LHFPL3: variants seen among roughly 807,000 people sequenced by gnomAD.
The protein encoded by LHFPL3 is LHFPL tetraspan subfamily member 3.
LHFPL3 carries 5 observed loss-of-function variants against 19.3 expected under a neutral mutation model. That is an observed-to-expected ratio of 0.26 (90% CI 0.14 to 0.54). The LOEUF (loss-of-function observed/expected upper bound fraction) is 0.54, where lower values mean the gene tolerates loss of function less well. Ranked by LOEUF, LHFPL3 falls within the 20% of genes least tolerant of loss-of-function variation. LHFPL3 has a pLI of 0.94. For synonymous variants in LHFPL3, 133 were observed against 126.2 expected (o/e 1.05, Z -0.36); for missense variants, 249 against 307.4 (o/e 0.81, Z 1.42).
intron 1 of LHFPL3, among the ~76,000 whole-genome samples, chr7:104,439,031 TAAAC>T (rs1281962490): frequency 2.0e-5 from 3 of 152,268 alleles, no homozygotes; most frequent in Non-Finnish European, 2.9e-5. Context: ...TATCAAAACT[TAAAC>T]AAGATGAAGT....
chr7:104,440,621 T>C (rs953453257), intron 1 of LHFPL3, among the ~76,000 whole-genome samples: 7 of 152,120 alleles, frequency 4.6e-5, no homozygotes, highest in Admixed American at 1.3e-4. Context: ...TAGAGTATGG[T>C]CTTAAATGAG....
chr7:104,655,814 G>T (rs1377283781), intron 1 of LHFPL3, among the ~76,000 whole-genome samples: 1 of 152,084 alleles, frequency 6.6e-6, no homozygotes, highest in Non-Finnish European at 1.5e-5. Flanking sequence ...TTTTTAATTC[G>T]TGAGTTTCTG....
chr7:104,587,090 G>A (rs943757422), intron 1 of LHFPL3, among the ~76,000 whole-genome samples: 1 of 151,670 alleles, frequency 6.6e-6, no homozygotes, highest in Non-Finnish European at 1.5e-5. Context: ...CATTCATTTA[G>A]CCTGTTTTTT....
chr7:104,741,796 G>A (rs539070326), intron 2 of LHFPL3, among the ~76,000 whole-genome samples: 9 of 152,032 alleles, frequency 5.9e-5, no homozygotes, highest in African/African-American at 1.7e-4. Context: ...CTCCTGCCTC[G>A]GCCTCCCAAA....
At chr7:104,816,677 T>C (rs1034381761) in intron 2 of LHFPL3, among the ~76,000 whole-genome samples, 1 of 152,248 alleles carries the variant, frequency 6.6e-6, no homozygotes, top group African/African-American at 2.4e-5. Flanking sequence ...CTTCAGATCC[T>C]GCTTTCAAAG....
At chr7:104,532,805 G>C (rs148005773) in intron 1 of LHFPL3, among the ~76,000 whole-genome samples, 157 of 152,162 alleles carry the variant, frequency 1.0e-3, no homozygotes, top group African/African-American at 3.6e-3. Context: ...ATTCTCAAAG[G>C]CCTGCCTGGT....
At chr7:104,593,727 A>T (rs1790778718) in intron 1 of LHFPL3, among the ~76,000 whole-genome samples, 1 of 152,148 alleles carries the variant, frequency 6.6e-6, no homozygotes. Context: ...GCACTCCTGT[A>T]TTGGGTGCAT....
chr7:104,636,924 T>C (rs1365218773), intron 1 of LHFPL3, among the ~76,000 whole-genome samples: 2 of 152,222 alleles, frequency 1.3e-5, no homozygotes, highest in Non-Finnish European at 2.9e-5. Context: ...CTGGGTTGAA[T>C]GGTAGTTCTG....
At chr7:104,352,747 C>T (rs893599287) in intron 1 of LHFPL3, among the ~76,000 whole-genome samples, 11 of 152,300 alleles carry the variant, frequency 7.2e-5, no homozygotes, top group East Asian at 5.8e-4. Flanking sequence ...GAGGTTTCTC[C>T]ACACTTTTCT....
chr7:104,841,493 G>GT (rs372610653), intron 2 of LHFPL3, among the ~76,000 whole-genome samples: 19,917 of 140,598 alleles, frequency 0.14, 1,998 homozygotes, highest in African/African-American at 0.28. Flanking sequence ...CATTATGTGG[G>GT]GTGTGTGTGT....
intron 2 of LHFPL3, among the ~76,000 whole-genome samples, chr7:104,784,918 G>A (rs913586443): frequency 5.3e-5 from 8 of 152,160 alleles, no homozygotes; most frequent in Non-Finnish European, 1.2e-4. Flanking sequence ...GCAGGGAAGG[G>A]GAAGTGGGGA....
At chr7:104,686,631 G>A (rs1342585569) in intron 1 of LHFPL3, among the ~76,000 whole-genome samples, 2 of 152,130 alleles carry the variant, frequency 1.3e-5, no homozygotes, top group Non-Finnish European at 2.9e-5. Flanking sequence ...GATCCCATAG[G>A]TTGAGGGCTC....
chr7:104,779,266 T>G (rs551968769), intron 2 of LHFPL3, among the ~76,000 whole-genome samples: 2 of 152,332 alleles, frequency 1.3e-5, no homozygotes, highest in East Asian at 3.9e-4. Flanking sequence ...CAGTGTGTGA[T>G]GCACAGGAAG....
At chr7:104,428,925 T>C (rs57073267) in intron 1 of LHFPL3, among the ~76,000 whole-genome samples, 4,665 of 152,226 alleles carry the variant, frequency 0.031, 229 homozygotes, top group East Asian at 0.16. Context: ...AGTTGAACAC[T>C]GATGTCAGGG....
intron 1 of LHFPL3, among the ~76,000 whole-genome samples, chr7:104,556,335 T>C (rs1481122984): frequency 6.6e-6 from 1 of 152,154 alleles, no homozygotes; most frequent in African/African-American, 2.4e-5. Context: ...CATCCAGGTG[T>C]TTCCATATAT....
At chr7:104,867,992 A>G (rs1791761508) in intron 2 of LHFPL3, among the ~76,000 whole-genome samples, 1 of 150,856 alleles carries the variant, frequency 6.6e-6, no homozygotes, top group Non-Finnish European at 1.5e-5. Context: ...TGATTATCTC[A>G]ATAGATGCAG....
At chr7:104,388,391 G>T (rs548322726) in intron 1 of LHFPL3, among the ~76,000 whole-genome samples, 3 of 151,948 alleles carry the variant, frequency 2.0e-5, no homozygotes, top group Admixed American at 6.5e-5. Context: ...ATGTAAAAGG[G>T]ATCCTCAATA....
intron 1 of LHFPL3, among the ~76,000 whole-genome samples, chr7:104,665,898 A>AAGT (rs1792325587): frequency 6.6e-6 from 1 of 152,032 alleles, no homozygotes; most frequent in Admixed American, 6.6e-5. Flanking sequence ...CCTGCTGCTC[A>AAGT]TCTCTTCTGT....
chr7:104,734,402 G>A (rs1793765147), intron 1 of LHFPL3, among the ~76,000 whole-genome samples: 1 of 152,154 alleles, frequency 6.6e-6, no homozygotes, highest in African/African-American at 2.4e-5. Flanking sequence ...ATATTTCTTG[G>A]AGACCTTGTT....
Sources: allele counts gnomAD v4.1 joint callset (sites outside exome capture counted in the v4.1 genomes callset), GRCh38; gene constraint gnomAD v4.1.1; transcripts MANE v1.5; gene names NCBI Gene and HGNC (gene_info 2026-07-23, HGNC 2026-07-21).